ATG2B: variants seen among roughly 807,000 people sequenced by gnomAD.
The protein encoded by ATG2B is autophagy-related protein 2 homolog B.
ATG2B carries 121 observed loss-of-function variants against 241.3 expected under a neutral mutation model. That is an observed-to-expected ratio of 0.50 (90% CI 0.43 to 0.58). The LOEUF (loss-of-function observed/expected upper bound fraction) is 0.58. Ranked by LOEUF, ATG2B falls within the 20% of genes least tolerant of loss-of-function variation. The pLI is 0.00. For synonymous variants in ATG2B, 858 were observed against 876.6 expected (o/e 0.98, Z 0.37); for missense variants, 2,306 against 2,491.6 (o/e 0.93, Z 1.59).
chr14:96,287,761 T>A (rs982379863), intron 41 of ATG2B, among the ~76,000 whole-genome samples: 13 of 152,222 alleles, frequency 8.5e-5, no homozygotes, highest in Admixed American at 1.3e-4. Flanking sequence ...ACAGAAGGTA[T>A]TTGTGGGCCA....
At chr14:96,326,027 G>A in intron 14 of ATG2B, 105 bp from the exon 15 acceptor site, 2 of 1,102,658 alleles carry the variant, frequency 1.8e-6, no homozygotes, top group Non-Finnish European at 2.5e-6. Flanking sequence ...TCCCCATTTG[G>A]TATAATGCAT....
intron 34 of ATG2B, among the ~76,000 whole-genome samples, chr14:96,301,244 C>T (rs1480758563): frequency 6.6e-6 from 1 of 152,186 alleles, no homozygotes; most frequent in Non-Finnish European, 1.5e-5. Flanking sequence ...TACTATTTCT[C>T]CCATTTTATC....
intron 1 of ATG2B, among the ~76,000 whole-genome samples, chr14:96,362,077 G>C (rs1223994058): frequency 6.6e-6 from 1 of 152,054 alleles, no homozygotes; most frequent in Non-Finnish European, 1.5e-5. Context: ...GTATAGCAAT[G>C]AGTGAATTCA....
chr14:96,291,529 T>G, intron 38 of ATG2B, 71 bp downstream of exon 38: 1 of 1,167,804 alleles, frequency 8.6e-7, no homozygotes, highest in Non-Finnish European at 1.2e-6. Context: ...CTAAGAAAAC[T>G]CAGTTTTTAA....
At chr14:96,324,958 A>C (rs1484267630) in intron 15 of ATG2B, among the ~76,000 whole-genome samples, 2 of 152,172 alleles carry the variant, frequency 1.3e-5, no homozygotes, top group Non-Finnish European at 2.9e-5. Context: ...GTGGTCTAGG[A>C]ACCACAGGAT....
At chr14:96,287,266 AAAAAAAAC>A (rs1250688804) in intron 41 of ATG2B, among the ~76,000 whole-genome samples, 6 of 151,676 alleles carry the variant, frequency 4.0e-5, no homozygotes, top group African/African-American at 1.4e-4. Flanking sequence ...AAAAAAAAAA[AAAAAAAAC>A]GTGTCCAGAA....
At chr14:96,343,424 A>G in intron 4 of ATG2B, 143 bp from the exon 5 acceptor site, 1 of 277,206 alleles carries the variant, frequency 3.6e-6, no homozygotes. Flanking sequence ...ATAAATAAAT[A>G]AATAAAATCT....
At position 96,322,219 on chromosome 14, in the gene ATG2B, TTC is replaced by T; in HGVS notation, c.2770_2771del (p.Glu924IlefsTer4). 6.3e-7 allele frequency: 1 copy of T among 1,596,992 alleles called. No individual in the cohort carries two copies. Among genetic ancestry groups the T allele is most frequent in the Non-Finnish European group, 8.5e-7 (1 of 1,175,308 alleles). ...VMPGDPVEMT[E>X]FQDKAISNSH... is the part of the protein sequence containing the mutation. ...AATTGCTGATTGCTTTATCCTGAAA[TTC>T]TGTCATTTCTACAGGGTCTCCTGGC... On this transcript the variant is annotated frameshift_variant, in exon 18 of 42. Coordinates refer to ENST00000359933, the MANE Select transcript of ATG2B (RefSeq NM_018036.7). LOFTEE classifies it high-confidence loss of function.
At chr14:96,346,665 T>C (rs991694245) in intron 2 of ATG2B, among the ~76,000 whole-genome samples, 1 of 152,218 alleles carries the variant, frequency 6.6e-6, no homozygotes, top group Non-Finnish European at 1.5e-5. Context: ...GCTATTCTGC[T>C]ATAAAGAAGA....
chr14:96,332,384 A>C lies in ATG2B; in HGVS notation c.1389T>G (p.Leu463=). The change falls in exon 10 of 42, where the codon CTT becomes CTG. Residue 463 remains leucine (L), a synonymous_variant. Transcript: ENST00000359933. The stretch of plus-strand genomic sequence containing the variant: ...TTACTGGCTGTTCTTTATGATGATC[A>C]AGGAACTCTCCCCAAGTGGGCTGAA... The part of the protein sequence containing the change: ...TVLQPTWGEF[L]DHHKEQPVRG... The C allele has an allele frequency of 6.2e-7, 1 of 1,613,886 alleles. No individual in the cohort carries two copies. The highest frequency in any genetic ancestry group is 8.5e-7 in the Non-Finnish European group (1 of 1,179,794).
intron 35 of ATG2B, 55 bp from the exon 36 acceptor site, chr14:96,295,222 A>AT (rs1388541381): frequency 7.3e-7 from 1 of 1,362,484 alleles, no homozygotes; most frequent in African/African-American, 1.4e-5. Context: ...CTTAGCAAAC[A>AT]TTTAAATCAA....
rs192934266 is a variant in ATG2B, at chr14:96,322,775, T to G, written c.2541-40A>C. ...AATTTTAAAAAGACCAAGATCTAAG[T>G]GTAAACAGCAAAACTTTAACTTTTG... On this transcript the variant is annotated intron_variant, in intron 16 of 41. Coordinates refer to ENST00000359933, the MANE Select transcript of ATG2B (RefSeq NM_018036.7). 30 of 1,554,170 alleles carry G rather than the reference T, an allele frequency of 1.9e-5. No individual in the cohort carries two copies. In the East Asian group the frequency reaches 6.3e-4, roughly 33 times the overall value.
At position 96,322,669 on chromosome 14, in the gene ATG2B, T is replaced by C. The variant is rs1344281542; in HGVS notation, c.2607A>G (p.Glu869=). ...SILERIAAEE[E]EENDGHYQEE... ...CCTGGTAGTGACCATCATTCTCCTC[T>C]TCTTCTTCAGCTGCAATTCTCTCCA... The change falls in exon 17 of 42, where the codon GAA becomes GAG. Residue 869 remains glutamate (E), a synonymous_variant. Transcript: ENST00000359933. The C allele has an allele frequency of 6.2e-7, 1 of 1,613,740 alleles. No homozygotes were observed. Among genetic ancestry groups the C allele is most frequent in the East Asian group, 2.2e-5 (1 of 44,852 alleles).
chr14:96,294,883 AC>A, intron 36 of ATG2B, 76 bp downstream of exon 36: 1 of 1,303,220 alleles, frequency 7.7e-7, no homozygotes, highest in Non-Finnish European at 1.1e-6. Context: ...CCTCATGATT[AC>A]CAGCACACAT....
rs72704878 is a variant in ATG2B at position 96,305,722 on chromosome 14, T to A, written c.4600A>T (p.Thr1534Ser). The A allele has an allele frequency of 3.9e-3, 6,281 of 1,614,190 alleles. 15 individuals carry two copies. The highest frequency in any genetic ancestry group is 4.5e-3 in the Non-Finnish European group (5,302 of 1,180,012). ...YFSLPVNKTD[T>S]SKAPLHFPIP... ...GGAAAGTGTAAGGGGGCTTTGCTCG[T>A]ATCGGTCTTATTAACGGGCAGACTG... is the stretch of plus-strand genomic sequence containing the variant. Residue 1534 changes from threonine (T) to serine (S), a missense_variant, in exon 31 of 42, where the codon ACG (threonine) becomes TCG (serine). Thr to Ser is a moderately conservative substitution (Grantham distance 58, BLOSUM62 1). Transcript: ENST00000359933.
chr14:96,335,795 T>C (rs569901668), intron 6 of ATG2B, among the ~76,000 whole-genome samples: 30 of 152,310 alleles, frequency 2.0e-4, no homozygotes, highest in Middle Eastern at 3.4e-3. Context: ...TGTTTTATAA[T>C]TTCACAATTG....
At position 96,281,520 on chromosome 14, in the gene ATG2B, C is replaced by A. The variant is rs1030583238; in HGVS notation, c.*4235G>T. The A allele has an allele frequency of 2.5e-4, 38 of 152,188 alleles. No individual in the cohort carries two copies. Among genetic ancestry groups the A allele is most frequent in the African/African-American group, 8.2e-4 (34 of 41,512 alleles). The allele number at this position is 152,188 out of a possible 1,614,324, so 9.4% of individuals were successfully genotyped here. The stretch of plus-strand genomic sequence containing the variant: ...TCAACATAAAAGCTGAACTAGACAC[C>A]CCTACCAAATTTCTCAATGAAAAAG... On this transcript the variant is annotated 3_prime_UTR_variant, in exon 42 of 42. Transcript: ENST00000359933.
intron 10 of ATG2B, 56 bp downstream of exon 10, chr14:96,332,249 A>G: frequency 7.2e-7 from 1 of 1,379,444 alleles, no homozygotes; most frequent in South Asian, 1.2e-5. Flanking sequence ...CACCAGTAGA[A>G]TGGCATTTTA....
At chr14:96,325,238 A>T (rs1887559021) in intron 15 of ATG2B, among the ~76,000 whole-genome samples, 1 of 152,180 alleles carries the variant, frequency 6.6e-6, no homozygotes, top group Non-Finnish European at 1.5e-5. Flanking sequence ...AATTATAAAA[A>T]TAACTGGAAA....
Sources: allele counts gnomAD v4.1 joint callset (sites outside exome capture counted in the v4.1 genomes callset), GRCh38; gene constraint gnomAD v4.1.1; transcripts MANE v1.5; gene names NCBI Gene and HGNC (gene_info 2026-07-23, HGNC 2026-07-21).